OTX2: variants seen among roughly 807,000 people sequenced by gnomAD.
OTX2 encodes orthodenticle homeobox 2.
A neutral mutation model predicts 29.0 loss-of-function variants in OTX2; 4 were observed. That is an observed-to-expected ratio of 0.14 (90% CI 0.07 to 0.32). The LOEUF is 0.32. Among genes scored for constraint, OTX2 ranks in the 10% least tolerant of loss-of-function variants. The pLI, the probability that OTX2 is intolerant of heterozygous loss-of-function variation, is 1.00. For synonymous variants in OTX2, 134 were observed against 141.0 expected (o/e 0.95, Z 0.35); for missense variants, 298 against 365.9 (o/e 0.81, Z 1.51).
chr14:56,805,248 G>C (rs959604859), intron 3 of OTX2, 112 bp downstream of exon 3: 1 of 739,134 alleles, frequency 1.4e-6, no homozygotes, highest in Non-Finnish European at 2.4e-6. Context: ...GCCTGAAGCT[G>C]GGTGGGGACA....
chr14:56,805,498 G>C lies in OTX2; in HGVS notation c.-42C>G, dbSNP rs1312165040. 7.3e-7 allele frequency: 1 copy of C among 1,364,584 alleles called. No individual in the cohort carries two copies. The highest frequency in any genetic ancestry group is 1.2e-5 in the South Asian group (1 of 84,636). 84.5% of individuals were successfully genotyped at this position (1,364,584 alleles called of 1,614,324 possible). A position where few individuals can be genotyped will look rare whatever the true frequency, so the allele number is the denominator to read the frequency against. ...GGTGCAAAGTCGGCCCAAATCGGGG[G>C]TACCCAGCTGGAAGATCTTGATGCG... is the stretch of plus-strand genomic sequence containing the variant. On this transcript the variant is annotated 5_prime_UTR_variant, in exon 3 of 5. Transcript: ENST00000672264.
rs1340517994 is a variant in OTX2, at chr14:56,804,775, CT to C, written c.98-413del. Among the ~76,000 whole-genome samples, 4 of 152,258 alleles carry C rather than the reference CT, an allele frequency of 2.6e-5. No homozygotes were observed. In the East Asian group the frequency reaches 7.8e-4, roughly 30 times the overall value. On this transcript the variant is annotated intron_variant, in intron 3 of 4. Transcript: ENST00000672264. The surrounding 1 kb of genome is among the most constrained non-coding windows in gnomAD (Gnocchi z 4.1). ...CCATGGTTTTTAGCACACCATGGGC[CT>C]TTGTTCCTCCATCTTTAAAATGGGG...
rs1027427891 is a variant in OTX2, at chr14:56,800,034, T to C, written c.*1701A>G. 16 of 152,340 alleles carry C rather than the reference T, an allele frequency of 1.1e-4. No individual in the cohort carries two copies. The highest frequency in any genetic ancestry group is 3.8e-4 in the African/African-American group (16 of 41,578). 9.4% of individuals were successfully genotyped at this position (152,340 alleles called of 1,614,324 possible). ...TTTACCTGAGGAGCACCATGATCATTGGCCCATTTGTCTTTTCTGGTGACT... is the reference window on the plus strand; with the variant it reads ...TTTACCTGAGGAGCACCATGATCATCGGCCCATTTGTCTTTTCTGGTGACT... On this transcript the variant is annotated 3_prime_UTR_variant, in exon 5 of 5. Transcript: ENST00000672264.
intron 4 of OTX2, among the ~76,000 whole-genome samples, chr14:56,803,762 T>C (rs1891975510): frequency 6.6e-6 from 1 of 152,260 alleles, no homozygotes; most frequent in African/African-American, 2.4e-5. Context: ...GTCTATACCC[T>C]GACTCTGCCA....
At chr14:56,807,173 A>ATTTAG (rs1406003178) in intron 2 of OTX2, among the ~76,000 whole-genome samples, 1 of 152,174 alleles carries the variant, frequency 6.6e-6, no homozygotes, top group African/African-American at 2.4e-5. Flanking sequence ...CCTCAGTACA[A>ATTTAG]CTAATTTAGT....
chr14:56,804,476 C>G lies in OTX2; in HGVS notation c.98-113G>C. On this transcript the variant is annotated intron_variant, in intron 3 of 4. Transcript: ENST00000672264. The surrounding 1 kb of genome is among the most constrained non-coding windows in gnomAD (Gnocchi z 4.1). ...TTCCTCACAGCCCTTCAGCCGGGAG[C>G]CTACCAATGCTCTCCCCACCGTCTC... 1 of 1,009,370 alleles carries G rather than the reference C, an allele frequency of 9.9e-7. No homozygotes were observed. The highest frequency in any genetic ancestry group is 1.4e-6 in the Non-Finnish European group (1 of 701,978). The allele number at this position is 1,009,370 out of a possible 1,614,324, so 62.5% of individuals were successfully genotyped here. A position where few individuals can be genotyped will look rare whatever the true frequency, so the allele number is the denominator to read the frequency against.
At chr14:56,806,277 G>A (rs1486426079) in intron 2 of OTX2, among the ~76,000 whole-genome samples, 1 of 152,176 alleles carries the variant, frequency 6.6e-6, no homozygotes, top group Admixed American at 6.5e-5. Flanking sequence ...AGTAGTCTGG[G>A]TAATTAGATT....
intron 2 of OTX2, chr14:56,806,686 A>G (rs557207868): frequency 5.9e-5 from 9 of 152,260 alleles, no homozygotes; most frequent in Non-Finnish European, 1.0e-4. Flanking sequence ...TTGTGAAACT[A>G]GTAGAATTTC....
Position 56,801,863 on chromosome 14 carries a change from A to G in OTX2, c.766T>C (p.Leu256=), listed in dbSNP as rs1358330775. 1 of 1,614,212 alleles carries G rather than the reference A, an allele frequency of 6.2e-7. No individual in the cohort carries two copies. The change falls in exon 5 of 5, where the codon TTG becomes CTG. Residue 256 remains leucine (L), a synonymous_variant. Transcript: ENST00000672264. The surrounding 1 kb of genome is among the most constrained non-coding windows in gnomAD (Gnocchi z 4.2). ...LSTQGYGASS[L]GFNSTTDCLD... is the part of the protein sequence containing the mutation. Reference sequence around the variant, plus strand: ...CAATCAGTGGTTGAGTTAAAACCCAAGCTTGAAGCTCCATATCCCTGGGTG... The same window carrying G: ...CAATCAGTGGTTGAGTTAAAACCCAGGCTTGAAGCTCCATATCCCTGGGTG...
Position 56,803,307 on chromosome 14 carries a change from G to A in OTX2, c.273+881C>T, listed in dbSNP as rs541972321. Among the ~76,000 whole-genome samples the A allele has an allele frequency of 2.6e-5, 4 of 152,308 alleles. No homozygotes were observed. In the East Asian group the frequency reaches 5.8e-4, roughly 22 times the overall value. Reference sequence around the variant, plus strand: ...ACTGTGGTAAAAGTGAGGCCACCAAGGCCAAGCTCAAGACCACCAACCATT... The same window carrying A: ...ACTGTGGTAAAAGTGAGGCCACCAAAGCCAAGCTCAAGACCACCAACCATT... On this transcript the variant is annotated intron_variant, in intron 4 of 4. Transcript: ENST00000672264.
intron 2 of OTX2, among the ~76,000 whole-genome samples, chr14:56,807,820 T>C (rs1892139951): frequency 6.6e-6 from 1 of 152,212 alleles, no homozygotes; most frequent in Non-Finnish European, 1.5e-5. Context: ...GAAATAACTT[T>C]TGAAAAATCC....
At position 56,804,938 on chromosome 14, in the gene OTX2, A is replaced by G. The variant is rs568739105; in HGVS notation, c.97+422T>C. 1.2e-3 allele frequency among the ~76,000 whole-genome samples: 180 copies of G among 152,302 alleles called. No homozygotes were observed. Among genetic ancestry groups the G allele is most frequent in the African/African-American group, 4.2e-3 (175 of 41,566 alleles). ...AGGGGAAGGCCTGGGCATGGAGGGAACAACTGCGAAGCCCGAGAGTGCTAA... is the reference window on the plus strand; with the variant it reads ...AGGGGAAGGCCTGGGCATGGAGGGAGCAACTGCGAAGCCCGAGAGTGCTAA... On this transcript the variant is annotated intron_variant, in intron 3 of 4. Coordinates refer to ENST00000672264, the MANE Select transcript of OTX2 (RefSeq NM_021728.4). This position sits in a 1 kb window ranked among gnomAD's most constrained non-coding sequence, Gnocchi z 4.1.
intron 2 of OTX2, chr14:56,806,766 A>G (rs1042698786): frequency 6.6e-6 from 1 of 152,256 alleles, no homozygotes; most frequent in African/African-American, 2.4e-5. Flanking sequence ...AGGAAGAAAA[A>G]GAAAAGTTAT....
chr14:56,802,096 C>T lies in OTX2; in HGVS notation c.533G>A (p.Cys178Tyr). The change falls in exon 5 of 5, where the codon TGC (cysteine) becomes TAC (tyrosine). Residue 178 changes from cysteine (C) to tyrosine (Y), a missense_variant. This residue lies in a region of OTX2 where 219 missense variants were observed against 223.5 expected (regional missense o/e 0.98). Coordinates refer to ENST00000672264, the MANE Select transcript of OTX2 (RefSeq NM_021728.4). The surrounding 1 kb of genome is among the most constrained non-coding windows in gnomAD (Gnocchi z 4.4). The stretch of plus-strand genomic sequence containing the variant: ...GGTCATGGGATAGGACCTCTGCATG[C>T]AGGAAGAGGAGGTGGACAAGGGATC... ...LSDPLSTSSS[C>Y]MQRSYPMTYT... is the part of the protein sequence containing the mutation. The T allele has an allele frequency of 6.2e-7, 1 of 1,614,116 alleles. No individual in the cohort carries two copies. Among genetic ancestry groups the T allele is most frequent in the Non-Finnish European group, 8.5e-7 (1 of 1,180,032 alleles).
rs1408195115 is a variant in OTX2 at position 56,804,885 on chromosome 14, T to C, written c.97+475A>G. On this transcript the variant is annotated intron_variant, in intron 3 of 4. Transcript: ENST00000672264. The surrounding 1 kb of genome is among the most constrained non-coding windows in gnomAD (Gnocchi z 4.1). Reference sequence around the variant, plus strand: ...CGCATTTGGAGGAAGTCACGCCTCTTGGGATTAAAGCAGGCTCTGGAGGTC... The same window carrying C: ...CGCATTTGGAGGAAGTCACGCCTCTCGGGATTAAAGCAGGCTCTGGAGGTC... Among the ~76,000 whole-genome samples the C allele has an allele frequency of 6.6e-6, 1 of 152,086 alleles. No individual in the cohort carries two copies. Among genetic ancestry groups the C allele is most frequent in the Non-Finnish European group, 1.5e-5 (1 of 67,994 alleles).
At position 56,801,916 on chromosome 14, in the gene OTX2, T is replaced by A. The variant is rs144449264; in HGVS notation, c.713A>T (p.His238Leu). Reference protein sequence around the residue: ...SPMGTNAVTSHLNQSPASLST... With the variant: ...SPMGTNAVTSLLNQSPASLST... ...AAGAGAAGCTGGGGACTGATTGAGA[T>A]GGCTGGTGACTGCATTGGTACCCAT... The change falls in exon 5 of 5, where the codon CAT (histidine) becomes CTT (leucine). Residue 238 changes from histidine (H) to leucine (L), a missense_variant. By Grantham distance (99) the His-to-Leu change is moderately conservative (BLOSUM62 -3). This residue lies in a region of OTX2 where 219 missense variants were observed against 223.5 expected (regional missense o/e 0.98). Transcript: ENST00000672264. The surrounding 1 kb of genome is among the most constrained non-coding windows in gnomAD (Gnocchi z 4.2). The A allele has an allele frequency of 3.2e-5, 52 of 1,614,108 alleles. No individual in the cohort carries two copies. The highest frequency in any genetic ancestry group is 4.2e-5 in the Non-Finnish European group (50 of 1,180,050).
intron 2 of OTX2, among the ~76,000 whole-genome samples, chr14:56,808,186 C>G (rs1892155993): frequency 1.3e-5 from 2 of 152,086 alleles, no homozygotes; most frequent in South Asian, 4.1e-4. Flanking sequence ...TTACCTCGTC[C>G]GAGAATTAAT....
chr14:56,809,793 G>C (rs1386631694), intron 2 of OTX2, among the ~76,000 whole-genome samples: 2 of 152,222 alleles, frequency 1.3e-5, no homozygotes, highest in African/African-American at 4.8e-5. Context: ...AAATCTGGGG[G>C]CCAAAACGCA....
chr14:56,804,673 G>C lies in OTX2; in HGVS notation c.98-310C>G, dbSNP rs1892015518. On this transcript the variant is annotated intron_variant, in intron 3 of 4. Transcript: ENST00000672264. This position sits in a 1 kb window ranked among gnomAD's most constrained non-coding sequence, Gnocchi z 4.1. ...CAACCCCCAAACCACAACACAAAAA[G>C]GCTATTCCAAGAAGTCAAAGGATCT... Among the ~76,000 whole-genome samples the C allele has an allele frequency of 6.6e-6, 1 of 152,132 alleles. No homozygotes were observed. Among genetic ancestry groups the C allele is most frequent in the African/African-American group, 2.4e-5 (1 of 41,442 alleles).
Sources: allele counts gnomAD v4.1 joint callset (sites outside exome capture counted in the v4.1 genomes callset), GRCh38; gene constraint gnomAD v4.1.1; regional missense constraint gnomAD v4.1.1; non-coding constraint Gnocchi (gnomAD v3.1); transcripts MANE v1.5; gene names NCBI Gene and HGNC (gene_info 2026-07-23, HGNC 2026-07-21).